Variants in COL5A3 observed in about 807,000 individuals in gnomAD.
COL5A3 encodes the protein collagen type V alpha 3 chain, also known as collagen alpha-3(V) chain.
COL5A3 carries 172 observed loss-of-function variants against 250.0 expected under a neutral mutation model. That is an observed-to-expected ratio of 0.69 (90% CI 0.61 to 0.78). The LOEUF (loss-of-function observed/expected upper bound fraction) is 0.78. Among genes scored for constraint, COL5A3 ranks in the 30% least tolerant of loss-of-function variants. The probability of loss-of-function intolerance (pLI) is 0.00; values close to 1 mark genes in which losing one functional copy is unlikely to be tolerated. For missense variants in COL5A3, 2,340 were observed against 2,334.4 expected (o/e 1.00, Z -0.05); for synonymous variants, 937 against 900.4 (o/e 1.04, Z -0.73).
At position 9,974,128 on chromosome 19, in the gene COL5A3, C is replaced by T. The variant is rs753783638; in HGVS notation, c.3504+43G>A. On this transcript the variant is annotated intron_variant, in intron 47 of 66. Transcript: ENST00000264828. ...TCTAATGCCTGCCGCCAACCTATAACCCCACCATCCTCCCCCTCCCACCTT... is the reference window on the plus strand; with the variant it reads ...TCTAATGCCTGCCGCCAACCTATAATCCCACCATCCTCCCCCTCCCACCTT... The T allele has an allele frequency of 6.3e-6, 10 of 1,599,676 alleles. No homozygotes were observed. The East Asian group carries it at 1.6e-4, about 25-fold the overall frequency.
chr19:9,979,496 G>A (rs1025301324), intron 37 of COL5A3, 79 bp from the exon 38 acceptor site: 24 of 1,482,012 alleles, frequency 1.6e-5, no homozygotes, highest in Middle Eastern at 4.0e-4. Context: ...AGGCCTGATA[G>A]GATCAGGAAT....
chr19:9,961,882 T>C (rs2086679294), intron 65 of COL5A3, among the ~76,000 whole-genome samples: 1 of 151,880 alleles, frequency 6.6e-6, no homozygotes, highest in Admixed American at 6.6e-5. Context: ...TTAAAAAAAT[T>C]CACAACTAAT....
rs757973383 is a variant in COL5A3 at position 9,973,638 on chromosome 19, G to A, written c.3613-15C>T. 1 of 1,612,364 alleles carries A rather than the reference G, an allele frequency of 6.2e-7. No individual in the cohort carries two copies. The highest frequency in any genetic ancestry group is 8.5e-7 in the Non-Finnish European group (1 of 1,179,028). On this transcript the variant is annotated splice_polypyrimidine_tract_variant and intron_variant, in intron 49 of 66. Transcript: ENST00000264828. ...CCTCGCTCACCCTGCAGGAGGCAAA[G>A]TGAGAGTGGGGAGAGGTCCCATCCT...
chr19:9,972,441 T>C (rs28576938), intron 51 of COL5A3, among the ~76,000 whole-genome samples: 1 of 152,338 alleles, frequency 6.6e-6, no homozygotes, highest in South Asian at 2.1e-4. Flanking sequence ...ATTCATCCAC[T>C]CATTCATTAA....
chr19:9,978,639 G>A lies in COL5A3; in HGVS notation c.2965-12C>T. On this transcript the variant is annotated splice_polypyrimidine_tract_variant and intron_variant, in intron 40 of 66. Transcript: ENST00000264828. Reference sequence around the variant, plus strand: ...AAGCCAGTAGGTCCCTGAAGGAGGAGATAATTCACAGTTAAGAGACTCCCA... The same window carrying A: ...AAGCCAGTAGGTCCCTGAAGGAGGAAATAATTCACAGTTAAGAGACTCCCA... The A allele has an allele frequency of 6.5e-7, 1 of 1,544,546 alleles. No individual in the cohort carries two copies. The highest frequency in any genetic ancestry group is 1.2e-5 in the South Asian group (1 of 82,020).
At chr19:9,961,920 A>C (rs1348416747) in intron 65 of COL5A3, among the ~76,000 whole-genome samples, 2 of 152,126 alleles carry the variant, frequency 1.3e-5, no homozygotes, top group Non-Finnish European at 2.9e-5. Flanking sequence ...GTTATCAGAA[A>C]GCTTATGCTT....
At chr19:9,992,756 G>A (rs538286804) in intron 21 of COL5A3, 71 bp downstream of exon 21, 171 of 1,494,932 alleles carry the variant, frequency 1.1e-4, no homozygotes, top group African/African-American at 9.0e-4. Flanking sequence ...CAGCCTGGGC[G>A]ACAGAGCGAG....
At chr19:9,976,393 T>C (rs1568412641) in intron 45 of COL5A3, among the ~76,000 whole-genome samples, 165 bp downstream of exon 45, 1 of 152,058 alleles carries the variant, frequency 6.6e-6, no homozygotes, top group Admixed American at 6.6e-5. Context: ...TGGGTTGGGA[T>C]TGACTCCGAT....
chr19:9,988,504 A>G (rs542610357), intron 27 of COL5A3, among the ~76,000 whole-genome samples: 1 of 152,036 alleles, frequency 6.6e-6, no homozygotes, highest in Non-Finnish European at 1.5e-5. Context: ...AACCCAGCAT[A>G]CTGTGCTTAT....
intron 30 of COL5A3, 62 bp from the exon 31 acceptor site, chr19:9,985,957 T>A: frequency 6.6e-7 from 1 of 1,505,660 alleles, no homozygotes; most frequent in Admixed American, 1.7e-5. Flanking sequence ...GGCGGAAAGG[T>A]CAGGCTGGCT....
Position 10,003,606 on chromosome 19 carries a change from T to C in COL5A3, c.808A>G (p.Ile270Val). 6.2e-7 allele frequency: 1 copy of C among 1,614,136 alleles called. No homozygotes were observed. Residue 270 changes from isoleucine to valine, a missense_variant, in exon 6 of 67, where the codon ATT (isoleucine) becomes GTT (valine). This residue lies in a region of COL5A3 where 1,152 missense variants were observed against 1,146.3 expected (regional missense o/e 1.00). Coordinates refer to ENST00000264828, the MANE Select transcript of COL5A3 (RefSeq NM_015719.4). ...TCAGGAGGTGGACTTGAGGTCCAAA[T>C]TTCCTTGTTCTTTTTCCTGCCCTTC... ...KGKGRKKNKEIWTSSPPPDSA... is the reference protein window; with the variant it reads ...KGKGRKKNKEVWTSSPPPDSA...
chr19:9,986,509 G>T, intron 29 of COL5A3, 44 bp downstream of exon 29: 1 of 1,548,978 alleles, frequency 6.5e-7, no homozygotes, highest in Non-Finnish European at 8.7e-7. Context: ...TATCTTCCCC[G>T]AGCCCCCAGA....
At chr19:9,979,512 C>G (rs764784206) in intron 37 of COL5A3, 95 bp from the exon 38 acceptor site, 16 of 1,369,746 alleles carry the variant, frequency 1.2e-5, no homozygotes, top group Non-Finnish European at 1.0e-6. Context: ...GGAATCTGGC[C>G]GGTCCGGTGG....
chr19:9,968,547 T>C lies in COL5A3; in HGVS notation c.4207-55A>G, dbSNP rs889991215. 47 of 1,569,594 alleles carry C rather than the reference T, an allele frequency of 3.0e-5. No individual in the cohort carries two copies. Among genetic ancestry groups the C allele is most frequent in the Admixed American group, 3.9e-5 (2 of 51,118 alleles). On this transcript the variant is annotated intron_variant, in intron 58 of 66. Coordinates refer to ENST00000264828, the MANE Select transcript of COL5A3 (RefSeq NM_015719.4). This position sits in a 1 kb window ranked among gnomAD's most constrained non-coding sequence, Gnocchi z 4.1. ...AGGACGTGGGAGGATTCAGGGAGGT[T>C]TTTCTCCTAGAGCCTTAGGGTGATG...
At chr19:9,975,061 C>G (rs1446622211) in intron 45 of COL5A3, among the ~76,000 whole-genome samples, 1 of 126,856 alleles carries the variant, frequency 7.9e-6, no homozygotes, top group Admixed American at 8.2e-5. Flanking sequence ...CTGTGCCTGG[C>G]TTTTTTTTTT....
intron 16 of COL5A3, among the ~76,000 whole-genome samples, chr19:9,994,912 T>TTTATTA (rs1398656926): frequency 6.6e-6 from 1 of 151,606 alleles, no homozygotes; most frequent in Admixed American, 6.6e-5. Flanking sequence ...ATCTTATTTA[T>TTTATTA]TTATTATTAT....
intron 11 of COL5A3, 26 bp from the exon 12 acceptor site, chr19:9,996,715 G>T: frequency 6.4e-7 from 1 of 1,574,366 alleles, no homozygotes; most frequent in Non-Finnish European, 8.6e-7. Flanking sequence ...GGGAAGAGAG[G>T]TGGAGACAGG....
intron 40 of COL5A3, 46 bp downstream of exon 40, chr19:9,978,845 T>G: frequency 2.0e-6 from 2 of 1,002,564 alleles, no homozygotes; most frequent in Non-Finnish European, 2.8e-6. Context: ...CCCCCCATCC[T>G]TTCCTTCTCT....
intron 57 of COL5A3, among the ~76,000 whole-genome samples, chr19:9,969,113 A>G (rs2086793609): frequency 6.6e-6 from 1 of 152,046 alleles, no homozygotes; most frequent in African/African-American, 2.4e-5. Flanking sequence ...GCAGGGGGTT[A>G]TAGAGATGGG....
Sources: gnomAD v4.1 joint callset for allele counts (sites outside exome capture counted in the v4.1 genomes callset) on GRCh38, gnomAD v4.1.1 for gene constraint, gnomAD v4.1.1 regional missense constraint, Gnocchi (gnomAD v3.1) non-coding constraint, MANE v1.5 for transcripts, NCBI Gene and HGNC (gene_info 2026-07-23, HGNC 2026-07-21) for gene names.